HTT: variants seen among roughly 807,000 people sequenced by gnomAD.
HTT encodes huntington disease protein.
Under a neutral mutation model 362.3 loss-of-function variants are expected in HTT, and 104 were observed. That is an observed-to-expected ratio of 0.29 (90% CI 0.24 to 0.34). The LOEUF is 0.34. Ranked by LOEUF, HTT falls within the 10% of genes least tolerant of loss-of-function variation. The pLI is 1.00. For missense variants in HTT, 3,301 were observed against 3,928.6 expected, an observed-to-expected ratio of 0.84 and a Z score of 4.27; for synonymous variants, 1,577 against 1,548.7, an observed-to-expected ratio of 1.02 and a Z score of -0.43.
At chr4:3,077,353 A>G (rs1457830310) in intron 1 of HTT, among the ~76,000 whole-genome samples, 1 of 152,102 alleles carries the variant, frequency 6.6e-6, no homozygotes, top group Non-Finnish European at 1.5e-5. Flanking sequence ...ATCCTGCCAG[A>G]TATAACCTGT....
Position 3,074,733 on chromosome 4 carries a change from C to A in HTT, c.-93C>A, listed in dbSNP as rs1004142787. 7.5e-7 allele frequency: 1 copy of A among 1,329,640 alleles called. No homozygotes were observed. The highest frequency in any genetic ancestry group is 1.0e-6 in the Non-Finnish European group (1 of 996,408). 82.4% of individuals were successfully genotyped at this position (1,329,640 alleles called of 1,614,324 possible). On this transcript the variant is annotated 5_prime_UTR_variant, in exon 1 of 67. The change creates a premature stop within an existing upstream ORF in the 5' untranslated region. Transcript: ENST00000355072. Reference sequence around the variant, plus strand: ...GCCGCTCAGGTTCTGCTTTTACCTGCGGCCCAGAGCCCCATTCATTGCCCC... The same window carrying A: ...GCCGCTCAGGTTCTGCTTTTACCTGAGGCCCAGAGCCCCATTCATTGCCCC...
intron 63 of HTT, 46 bp from the exon 64 acceptor site, chr4:3,236,103 T>C (rs1223812779): frequency 1.5e-6 from 2 of 1,329,366 alleles, no homozygotes; most frequent in East Asian, 2.3e-5. Flanking sequence ...ACAGAGCCTA[T>C]TGGGTTGTAT....
intron 50 of HTT, among the ~76,000 whole-genome samples, 186 bp downstream of exon 50, chr4:3,214,321 G>A (rs1720294913): frequency 6.6e-6 from 1 of 152,162 alleles, no homozygotes; most frequent in African/African-American, 2.4e-5. Context: ...GTCTACACTG[G>A]AATTTAACTG....
chr4:3,192,583 G>C (rs1233625401), intron 40 of HTT, among the ~76,000 whole-genome samples: 1 of 152,210 alleles, frequency 6.6e-6, no homozygotes, highest in Non-Finnish European at 1.5e-5. Flanking sequence ...TTGATGAGGA[G>C]GTGGGGCTGG....
intron 19 of HTT, among the ~76,000 whole-genome samples, chr4:3,135,249 G>A (rs566619156): frequency 3.3e-4 from 50 of 151,622 alleles, no homozygotes; most frequent in African/African-American, 1.2e-3. Flanking sequence ...ATTAAAAAAC[G>A]TGAGCTGTGG....
intron 1 of HTT, among the ~76,000 whole-genome samples, chr4:3,080,581 G>A (rs4039066): frequency 1.3e-5 from 2 of 152,078 alleles, no homozygotes; most frequent in African/African-American, 4.8e-5. Flanking sequence ...AGTGTCTTTT[G>A]AAGTGTAAAA....
At chr4:3,132,429 T>C in intron 16 of HTT, 133 bp from the exon 17 acceptor site, 5 of 698,252 alleles carry the variant, frequency 7.2e-6, no homozygotes, top group Admixed American at 2.9e-5. Flanking sequence ...AGGGTTATTA[T>C]AGTGAAGTCA....
In HTT at chr4:3,159,691, T is replaced by C. The variant is rs183807792; in HGVS notation, c.3754-591T>C. On this transcript the variant is annotated intron_variant, in intron 28 of 66. Transcript: ENST00000355072. ...CACCTTCTTTTCTGAGGCAGTGTTTTACCAATATTTATTTTCCTAGTCAGT... is the reference window on the plus strand; with the variant it reads ...CACCTTCTTTTCTGAGGCAGTGTTTCACCAATATTTATTTTCCTAGTCAGT... Among the ~76,000 whole-genome samples, 266 of 152,376 alleles carry C rather than the reference T, an allele frequency of 1.7e-3. 2 individuals are homozygous for C. In the Middle Eastern group the frequency reaches 0.02, roughly 12 times the overall value.
chr4:3,235,145 G>A (rs956348342), intron 61 of HTT, 139 bp from the exon 62 acceptor site: 3 of 635,280 alleles, frequency 4.7e-6, no homozygotes, highest in African/African-American at 3.6e-5. Context: ...AGGGGCCTGG[G>A]GGAGCCACTC....
At chr4:3,134,346 C>T (rs1244598346) in intron 18 of HTT, 55 bp from the exon 19 acceptor site, 6 of 1,534,786 alleles carry the variant, frequency 3.9e-6, no homozygotes, top group South Asian at 1.2e-5. Context: ...CGTCAAGACG[C>T]GGGTACTGAG....
At chr4:3,198,164 T>C (rs363116) in intron 40 of HTT, among the ~76,000 whole-genome samples, 1,840 of 151,808 alleles carry the variant, frequency 0.012, 48 homozygotes, top group African/African-American at 0.043. Context: ...CTAAAAAGCC[T>C]GTACTCTGTT....
chr4:3,235,522 T>A (rs372219868), intron 62 of HTT, 43 bp from the exon 63 acceptor site: 1 of 1,587,996 alleles, frequency 6.3e-7, no homozygotes, highest in Non-Finnish European at 8.6e-7. Context: ...CACCTGAGAC[T>A]GTGCAGCGAT....
At chr4:3,230,088 G>T in intron 60 of HTT, 46 bp downstream of exon 60, 1 of 1,552,910 alleles carries the variant, frequency 6.4e-7, no homozygotes, top group Non-Finnish European at 8.9e-7. Flanking sequence ...AGCCACGGGG[G>T]CCCATCTGCC....
In HTT at chr4:3,172,415, TTCC is replaced by T; in HGVS notation, c.3942+21_3942+23del. On this transcript the variant is annotated intron_variant, in intron 30 of 66. Transcript: ENST00000355072. ...TTCAACAAGTAAGAGCTTCATTCTTTTCCTCTTCTGTTAAGACGTTCGGGTATG... is the reference window on the plus strand; with the variant it reads ...TTCAACAAGTAAGAGCTTCATTCTTTTCTTCTGTTAAGACGTTCGGGTATG... 1 of 1,546,920 alleles carries T rather than the reference TTCC, an allele frequency of 6.5e-7. No homozygotes were observed. The highest frequency in any genetic ancestry group is 8.9e-7 in the Non-Finnish European group (1 of 1,118,606).
At chr4:3,075,647 C>CGGGGGGGGGGGGGGGGGGGGTGG (rs1560535774) in intron 1 of HTT, among the ~76,000 whole-genome samples, 1 of 61,682 alleles carries the variant, frequency 1.6e-5, no homozygotes. Context: ...AGTGGCGGGG[C>CGGGGGGGGGGGGGGGGGGGGTGG]AGGGGGGGGG....
rs575650724 is a variant in HTT at position 3,229,945 on chromosome 4, C to T, written c.8168C>T (p.Thr2723Met). The change falls in exon 60 of 67, where the codon ACG becomes ATG. Residue 2723 changes from threonine (T) to methionine (M), a missense_variant. Around this residue, in one of 4 missense-constraint regions of HTT, gnomAD observed 753 missense variants for 1,021.3 expected, o/e 0.74. Coordinates refer to ENST00000355072, the MANE Select transcript of HTT (RefSeq NM_001388492.1). ...ERNQFELMYV[T>M]LTELRRVHPS... ...AACCAGTTTGAGCTGATGTATGTGA[C>T]GCTGACAGAACTGCGAAGGGTGCAC... 11 of 1,614,104 alleles carry T rather than the reference C, an allele frequency of 6.8e-6. No individual in the cohort carries two copies. The highest frequency in any genetic ancestry group is 6.7e-5 in the Admixed American group (4 of 60,026).
Position 3,228,757 on chromosome 4 carries a change from G to C in HTT, c.7979+12G>C. On this transcript the variant is annotated intron_variant, in intron 58 of 66. Transcript: ENST00000355072. This position sits in a 1 kb window ranked among gnomAD's most constrained non-coding sequence, Gnocchi z 4.3. ...CCAGTCAACTCCAGGTTTTCCAATG[G>C]CCTTTTTCTTTTTAACAGAAATTTG... 6.4e-7 allele frequency: 1 copy of C among 1,571,744 alleles called. No homozygotes were observed. Among genetic ancestry groups the C allele is most frequent in the Non-Finnish European group, 8.6e-7 (1 of 1,156,598 alleles).
At chr4:3,235,438 T>C in intron 62 of HTT, 40 bp downstream of exon 62, 2 of 1,507,178 alleles carry the variant, frequency 1.3e-6, no homozygotes, top group Non-Finnish European at 1.8e-6. Flanking sequence ...ACACGGGGAG[T>C]GGGCTTCCCT....
At chr4:3,138,791 T>C (rs1453193489) in intron 21 of HTT, among the ~76,000 whole-genome samples, 1 of 152,134 alleles carries the variant, frequency 6.6e-6, no homozygotes, top group East Asian at 1.9e-4. Flanking sequence ...TTTGTATTTT[T>C]TGGTAGAGAT....
Sources: allele counts gnomAD v4.1 joint callset (sites outside exome capture counted in the v4.1 genomes callset), GRCh38; gene constraint gnomAD v4.1.1; regional missense constraint gnomAD v4.1.1; non-coding constraint Gnocchi (gnomAD v3.1); transcripts MANE v1.5; gene names NCBI Gene and HGNC (gene_info 2026-07-23, HGNC 2026-07-21).